Variants in LIFR observed in about 807,000 individuals in gnomAD.
LIFR encodes the protein LIF receptor subunit alpha, also known as leukemia inhibitory factor receptor.
In LIFR, 84 loss-of-function variants were observed where a neutral mutation model predicts 122.2. That is an observed-to-expected ratio of 0.69 (90% CI 0.58 to 0.82). The LOEUF (loss-of-function observed/expected upper bound fraction) is 0.82, where lower values mean the gene tolerates loss of function less well. Among genes scored for constraint, LIFR ranks in the 40% least tolerant of loss-of-function variants. LIFR has a pLI of 0.00. For synonymous variants in LIFR, 422 were observed against 434.7 expected, an observed-to-expected ratio of 0.97 and a Z score of 0.36; for missense variants, 1,294 against 1,311.6, an observed-to-expected ratio of 0.99 and a Z score of 0.21.
At chr5:38,583,808 A>C (rs1310742087) in intron 1 of LIFR, among the ~76,000 whole-genome samples, 1 of 152,196 alleles carries the variant, frequency 6.6e-6, no homozygotes, top group Non-Finnish European at 1.5e-5. Context: ...GGAGGGATCC[A>C]GTGGGAGATA....
intron 12 of LIFR, among the ~76,000 whole-genome samples, chr5:38,499,147 A>C (rs1193347059): frequency 1.3e-5 from 2 of 152,238 alleles, no homozygotes; most frequent in African/African-American, 4.8e-5. Context: ...AATAAATTAC[A>C]CATGAAGTAT....
At position 38,526,441 on chromosome 5, in the gene LIFR, G is replaced by A. The variant is rs201814555; in HGVS notation, c.397+714C>T. Among the ~76,000 whole-genome samples, 3,025 of 134,498 alleles carry A rather than the reference G, an allele frequency of 0.022. 191 individuals are homozygous for A. In the East Asian group the frequency reaches 0.28, roughly 12 times the overall value. The allele number at this position is 134,498 out of a possible 152,430, so 88.2% of individuals were successfully genotyped here. A position where few individuals can be genotyped will look rare whatever the true frequency, so the allele number is the denominator to read the frequency against. ...TGTGTGTGTGTGTGTGTGTGTGTGT[G>A]TATATATATATATATAAAATCTTGT... On this transcript the variant is annotated intron_variant, in intron 4 of 19. Coordinates refer to ENST00000453190, the MANE Select transcript of LIFR (RefSeq NM_001127671.2).
At chr5:38,543,728 ACT>A (rs1747717744) in intron 1 of LIFR, among the ~76,000 whole-genome samples, 1 of 152,116 alleles carries the variant, frequency 6.6e-6, no homozygotes, top group Non-Finnish European at 1.5e-5. Context: ...ATTCCAGCCC[ACT>A]TCTCTCTTTC....
chr5:38,504,104 T>A lies in LIFR; in HGVS notation c.1309A>T (p.Thr437Ser), dbSNP rs762859969. The A allele has an allele frequency of 2.0e-5, 31 of 1,577,238 alleles. No individual in the cohort carries two copies. Among genetic ancestry groups the A allele is most frequent in the Non-Finnish European group, 2.7e-5 (31 of 1,146,956 alleles). ...ITEKVYPHTP[T>S]SFKVKDINST... ...TTAATATCCTTCACTTTGAATGAAGTAGGAGTATGGGGATAAACTGCAAAT... is the reference window on the plus strand; with the variant it reads ...TTAATATCCTTCACTTTGAATGAAGAAGGAGTATGGGGATAAACTGCAAAT... Residue 437 changes from threonine (T) to serine (S), a missense_variant, in exon 10 of 20, where the codon ACT becomes TCT. By Grantham distance (58) the Thr-to-Ser change is moderately conservative. Coordinates refer to ENST00000453190, the MANE Select transcript of LIFR (RefSeq NM_001127671.2).
chr5:38,537,351 A>G (rs377251775), intron 1 of LIFR, among the ~76,000 whole-genome samples: 1 of 152,150 alleles, frequency 6.6e-6, no homozygotes, highest in Non-Finnish European at 1.5e-5. Flanking sequence ...AATGTCTCCT[A>G]TATTTCCCAT....
intron 1 of LIFR, among the ~76,000 whole-genome samples, chr5:38,545,735 G>T (rs149907867): frequency 1.3e-4 from 20 of 151,606 alleles, no homozygotes; most frequent in African/African-American, 4.8e-4. Context: ...GGTGGCGGGC[G>T]CCTGTAGTCC....
chr5:38,569,040 G>A (rs1749120227), intron 1 of LIFR, among the ~76,000 whole-genome samples: 1 of 152,196 alleles, frequency 6.6e-6, no homozygotes, highest in Admixed American at 6.5e-5. Context: ...CTTGGCCGAA[G>A]GCCCTCTTTT....
At chr5:38,528,606 G>T in intron 3 of LIFR, 120 bp downstream of exon 3, 1 of 740,138 alleles carries the variant, frequency 1.4e-6, no homozygotes, top group Non-Finnish European at 2.4e-6. Flanking sequence ...GGCAGACTCT[G>T]CTGGACACAG....
chr5:38,542,219 A>T (rs1747628990), intron 1 of LIFR, among the ~76,000 whole-genome samples: 1 of 152,206 alleles, frequency 6.6e-6, no homozygotes, highest in Admixed American at 6.5e-5. Flanking sequence ...TTCATAGAAG[A>T]AGTACCCACA....
chr5:38,576,433 C>A (rs186740046), intron 1 of LIFR, among the ~76,000 whole-genome samples: 173 of 152,306 alleles, frequency 1.1e-3, no homozygotes, highest in South Asian at 6.0e-3. Flanking sequence ...CCTTGCTCAA[C>A]CTTGGCACTC....
At position 38,528,712 on chromosome 5, in the gene LIFR, T is replaced by C. The variant is rs748661304; in HGVS notation, c.257+14A>G. The C allele has an allele frequency of 2.0e-6, 3 of 1,465,350 alleles. No individual in the cohort carries two copies. In the Admixed American group the frequency reaches 5.6e-5, roughly 28 times the overall value. 90.8% of individuals were successfully genotyped at this position (1,465,350 alleles called of 1,614,324 possible). A position where few individuals can be genotyped will look rare whatever the true frequency, so the allele number is the denominator to read the frequency against. The stretch of plus-strand genomic sequence containing the variant: ...CAACCTAGCTCATTGTGAATTAAAG[T>C]AAATTAAAATTACCTGTTTTCAATG... On this transcript the variant is annotated intron_variant, in intron 3 of 19. Coordinates refer to ENST00000453190, the MANE Select transcript of LIFR (RefSeq NM_001127671.2).
At chr5:38,520,659 A>G (rs1746351335) in intron 5 of LIFR, among the ~76,000 whole-genome samples, 1 of 152,014 alleles carries the variant, frequency 6.6e-6, no homozygotes, top group Non-Finnish European at 1.5e-5. Context: ...TGAATATCCA[A>G]TTTTCCCAGT....
rs138772371 is a variant in LIFR, at chr5:38,481,197, G to C, written c.*398C>G. ...CTGTTACTTGGACATTTTCTCCCTG[G>C]CCTGCAAATCCACTTACAATTCCAC... On this transcript the variant is annotated 3_prime_UTR_variant, in exon 20 of 20. Transcript: ENST00000453190. 395 of 282,068 alleles carry C rather than the reference G, an allele frequency of 1.4e-3. 2 individuals carry two copies. The highest frequency in any genetic ancestry group is 7.6e-3 in the African/African-American group (352 of 46,368). 17.5% of individuals were successfully genotyped at this position (282,068 alleles called of 1,614,324 possible).
intron 13 of LIFR, among the ~76,000 whole-genome samples, chr5:38,496,003 T>C (rs1744856691): frequency 6.6e-6 from 1 of 152,060 alleles, no homozygotes; most frequent in South Asian, 2.1e-4. Context: ...GCCCAACAAT[T>C]TGCAAAACAG....
At chr5:38,498,727 T>A (rs994057353) in intron 12 of LIFR, among the ~76,000 whole-genome samples, 7 of 152,334 alleles carry the variant, frequency 4.6e-5, no homozygotes, top group African/African-American at 1.7e-4. Flanking sequence ...TATATTATCA[T>A]GAAATCTGAC....
At chr5:38,605,515 C>A (rs1433251911) in intron 2 of LIFR, among the ~76,000 whole-genome samples, 1 of 152,078 alleles carries the variant, frequency 6.6e-6, no homozygotes, top group African/African-American at 2.4e-5. Flanking sequence ...GAAGCAAGTG[C>A]TATTTAAGTG....
At chr5:38,484,914 G>T in intron 17 of LIFR, 46 bp from the exon 18 acceptor site, 1 of 1,285,844 alleles carries the variant, frequency 7.8e-7, no homozygotes, top group Non-Finnish European at 1.1e-6. Context: ...TTTTTAGTGT[G>T]AAGTACAGAA....
intron 1 of LIFR, among the ~76,000 whole-genome samples, chr5:38,571,867 T>G (rs1749225458): frequency 6.6e-6 from 1 of 152,198 alleles, no homozygotes; most frequent in African/African-American, 2.4e-5. Flanking sequence ...TTGACCTAAG[T>G]CAAACTAACT....
intron 16 of LIFR, among the ~76,000 whole-genome samples, chr5:38,487,217 T>C (rs902767358): frequency 6.6e-6 from 1 of 152,222 alleles, no homozygotes; most frequent in African/African-American, 2.4e-5. Context: ...CTCATTAGGA[T>C]GCACTCTTCT....
Sources: allele counts gnomAD v4.1 joint callset (sites outside exome capture counted in the v4.1 genomes callset), GRCh38; gene constraint gnomAD v4.1.1; transcripts MANE v1.5; gene names NCBI Gene and HGNC (gene_info 2026-07-23, HGNC 2026-07-21).